The following ANKS1B variants were observed in gnomAD, a reference collection of about 807,000 sequenced individuals.
ANKS1B encodes ankyrin repeat and sterile alpha motif domain containing 1B.
Under a neutral mutation model 148.3 loss-of-function variants are expected in ANKS1B, and 36 were observed. The ratio of observed to expected loss-of-function variants is 0.24; its 90% CI spans 0.19 to 0.32. The LOEUF (loss-of-function observed/expected upper bound fraction) is 0.32, where lower values mean the gene tolerates loss of function less well. Among genes scored for constraint, ANKS1B ranks in the 10% least tolerant of loss-of-function variants. ANKS1B has a pLI of 1.00. For missense variants in ANKS1B, 1,157 were observed against 1,542.6 expected (o/e 0.75, Z 4.19); for synonymous variants, 542 against 560.8 (o/e 0.97, Z 0.47).
intron 15 of ANKS1B, among the ~76,000 whole-genome samples, chr12:99,148,840 G>T (rs1239811254): frequency 1.3e-5 from 2 of 152,002 alleles, no homozygotes; most frequent in Admixed American, 6.6e-5. Context: ...AGTTGAAAAG[G>T]TTATTTTTTT....
At chr12:99,808,326 A>G (rs1191012523) in intron 3 of ANKS1B, among the ~76,000 whole-genome samples, 2 of 152,116 alleles carry the variant, frequency 1.3e-5, no homozygotes, top group African/African-American at 4.8e-5. Context: ...GAAGATTTGA[A>G]AATTTAAAAA....
chr12:99,240,189 C>T (rs530599368), intron 14 of ANKS1B, among the ~76,000 whole-genome samples: 1 of 152,188 alleles, frequency 6.6e-6, no homozygotes, highest in African/African-American at 2.4e-5. Context: ...CAGAGACACA[C>T]ATAGGCTCAA....
chr12:99,753,677 C>T (rs2061317592), intron 8 of ANKS1B, among the ~76,000 whole-genome samples: 2 of 152,018 alleles, frequency 1.3e-5, no homozygotes, highest in South Asian at 4.1e-4. Context: ...GTCAAATCTA[C>T]ACATATCAAT....
rs11109875 is a variant in ANKS1B at position 99,500,466 on chromosome 12, T to C, written c.1438+4010A>G. Among the ~76,000 whole-genome samples, 18 of 152,268 alleles carry C rather than the reference T, an allele frequency of 1.2e-4. No homozygotes were observed. The East Asian group carries it at 3.3e-3, about 28-fold the overall frequency. On this transcript the variant is annotated intron_variant, in intron 10 of 26. Coordinates refer to ENST00000683438, the MANE Select transcript of ANKS1B (RefSeq NM_001352186.2). ...ATATGAGCTGGCCATCTTAAAAGTG[T>C]TCCTCTATTCCCCAGTTGAACAGCC...
chr12:98,969,723 G>T (rs2099881570), intron 17 of ANKS1B, among the ~76,000 whole-genome samples: 1 of 152,084 alleles, frequency 6.6e-6, no homozygotes, highest in Non-Finnish European at 1.5e-5. Context: ...TTTGACTAAA[G>T]GCTGTAAAAT....
chr12:99,829,321 C>A (rs982975770), intron 1 of ANKS1B, among the ~76,000 whole-genome samples: 2 of 151,774 alleles, frequency 1.3e-5, no homozygotes, highest in South Asian at 4.2e-4. Flanking sequence ...TTGAGACAAG[C>A]CTGGCCGACA....
intron 8 of ANKS1B, among the ~76,000 whole-genome samples, chr12:99,708,019 C>T (rs762411745): frequency 6.6e-5 from 10 of 152,024 alleles, no homozygotes; most frequent in Non-Finnish European, 1.5e-4. Context: ...ATAAGCAATG[C>T]GGAGGTTAAC....
chr12:98,768,506 G>A (rs1011675828), intron 25 of ANKS1B, among the ~76,000 whole-genome samples: 5 of 151,040 alleles, frequency 3.3e-5, no homozygotes, highest in South Asian at 2.1e-4. Flanking sequence ...AGGCCGAGGC[G>A]GGCGGATCAC....
At chr12:99,114,725 C>T (rs1188130921) in intron 15 of ANKS1B, among the ~76,000 whole-genome samples, 1 of 151,790 alleles carries the variant, frequency 6.6e-6, no homozygotes, top group Non-Finnish European at 1.5e-5. Context: ...GTACTCCAGC[C>T]TTGGTGACAG....
chr12:99,333,250 T>G (rs954826275), intron 12 of ANKS1B, among the ~76,000 whole-genome samples: 1 of 152,080 alleles, frequency 6.6e-6, no homozygotes, highest in Non-Finnish European at 1.5e-5. Context: ...GAGAATGCTT[T>G]AGACTGGGAA....
chr12:99,382,438 C>A (rs1221819854), intron 12 of ANKS1B, among the ~76,000 whole-genome samples: 2 of 152,108 alleles, frequency 1.3e-5, no homozygotes, highest in Non-Finnish European at 2.9e-5. Flanking sequence ...GGCAGTGGCT[C>A]ACACGTGTAA....
intron 15 of ANKS1B, among the ~76,000 whole-genome samples, chr12:99,145,192 G>T (rs1270357537): frequency 1.3e-5 from 2 of 152,086 alleles, no homozygotes; most frequent in Non-Finnish European, 2.9e-5. Flanking sequence ...GCTTGTTTAA[G>T]GCTCCTCAGC....
chr12:99,168,510 A>C (rs1373747926), intron 14 of ANKS1B, among the ~76,000 whole-genome samples: 2 of 150,506 alleles, frequency 1.3e-5, no homozygotes, highest in East Asian at 3.9e-4. Flanking sequence ...CAAGAGCAAA[A>C]CTCCATCTCA....
At chr12:98,767,026 C>T (rs907237075) in intron 25 of ANKS1B, among the ~76,000 whole-genome samples, 1 of 151,174 alleles carries the variant, frequency 6.6e-6, no homozygotes, top group Non-Finnish European at 1.5e-5. Flanking sequence ...CCTATGTTGC[C>T]CAGGCTGGTC....
chr12:99,364,970 G>T (rs2092689273), intron 12 of ANKS1B, among the ~76,000 whole-genome samples: 1 of 152,150 alleles, frequency 6.6e-6, no homozygotes, highest in Admixed American at 6.5e-5. Context: ...CCACCCCAAA[G>T]AACACAATAT....
At chr12:99,660,552 G>T (rs1219804352) in intron 8 of ANKS1B, among the ~76,000 whole-genome samples, 1 of 151,538 alleles carries the variant, frequency 6.6e-6, no homozygotes, top group Non-Finnish European at 1.5e-5. Context: ...TAGTAGAGAT[G>T]GGGTTTCACC....
intron 22 of ANKS1B, among the ~76,000 whole-genome samples, chr12:98,792,415 A>G (rs1006231313): frequency 6.6e-6 from 1 of 152,184 alleles, no homozygotes; most frequent in African/African-American, 2.4e-5. Context: ...TAATTATCAT[A>G]CCTGGAACCT....
At chr12:99,266,419 A>T (rs1403059675) in intron 12 of ANKS1B, among the ~76,000 whole-genome samples, 1 of 152,182 alleles carries the variant, frequency 6.6e-6, no homozygotes, top group Non-Finnish European at 1.5e-5. Flanking sequence ...AGGCTTATAA[A>T]AATTTCCATT....
chr12:99,788,551 AC>A (rs1376865976), intron 4 of ANKS1B, among the ~76,000 whole-genome samples: 1 of 152,200 alleles, frequency 6.6e-6, no homozygotes, highest in Non-Finnish European at 1.5e-5. Context: ...TGTGGTGGCT[AC>A]GGTGAACAAC....
Sources: allele counts gnomAD v4.1 joint callset (sites outside exome capture counted in the v4.1 genomes callset), GRCh38; gene constraint gnomAD v4.1.1; transcripts MANE v1.5; gene names NCBI Gene and HGNC (gene_info 2026-07-23, HGNC 2026-07-21).